Variants in VSTM4 observed in about 807,000 individuals in gnomAD.
VSTM4 encodes the protein V-set and transmembrane domain-containing protein 4.
A neutral mutation model predicts 36.4 loss-of-function variants in VSTM4; 20 were observed. The ratio of observed to expected loss-of-function variants is 0.55; its 90% CI spans 0.39 to 0.80. The LOEUF is 0.80. Among genes scored for constraint, VSTM4 ranks in the 30% least tolerant of loss-of-function variants. The pLI, the probability that VSTM4 is intolerant of heterozygous loss-of-function variation, is 0.00. For synonymous variants in VSTM4, 182 were observed against 173.9 expected, an observed-to-expected ratio of 1.05 and a Z score of -0.37; for missense variants, 392 against 404.5, an observed-to-expected ratio of 0.97 and a Z score of 0.26.
At chr10:49,028,342 T>C (rs1273501571) in intron 7 of VSTM4, among the ~76,000 whole-genome samples, 1 of 152,218 alleles carries the variant, frequency 6.6e-6, no homozygotes, top group African/African-American at 2.4e-5. Flanking sequence ...GAGCTTGCAA[T>C]GGCCTGTCTA....
chr10:49,037,082 A>G (rs1465429998), intron 7 of VSTM4, among the ~76,000 whole-genome samples: 1 of 152,220 alleles, frequency 6.6e-6, no homozygotes, highest in Non-Finnish European at 1.5e-5. Flanking sequence ...AAAGGTTTGC[A>G]GGAATTAGGG....
chr10:49,043,334 T>A lies in VSTM4; in HGVS notation c.837+3649A>T, dbSNP rs1248007958. ...ATAGTTAAGTTAAATAAACTATACA[T>A]TAAAATCGGTTTCATCTGTTACTTT... is the stretch of plus-strand genomic sequence containing the variant. On this transcript the variant is annotated intron_variant, in intron 7 of 7. Coordinates refer to ENST00000332853, the MANE Select transcript of VSTM4 (RefSeq NM_001031746.5). 3.3e-5 allele frequency among the ~76,000 whole-genome samples: 5 copies of A among 152,238 alleles called. No homozygotes were observed. In the East Asian group the frequency reaches 7.7e-4, roughly 23 times the overall value.
chr10:49,100,628 A>G (rs1844650175), intron 2 of VSTM4, among the ~76,000 whole-genome samples: 1 of 152,182 alleles, frequency 6.6e-6, no homozygotes, highest in Non-Finnish European at 1.5e-5. Context: ...AAGTTCCTGG[A>G]TAGGAACATT....
intron 3 of VSTM4, among the ~76,000 whole-genome samples, chr10:49,083,399 C>T (rs1409737803): frequency 1.3e-5 from 2 of 152,176 alleles, no homozygotes; most frequent in Non-Finnish European, 1.5e-5. Context: ...GTAGCTCTCT[C>T]GTCCAGGAAC....
At chr10:49,104,575 A>C (rs1374365605) in intron 2 of VSTM4, among the ~76,000 whole-genome samples, 1 of 152,110 alleles carries the variant, frequency 6.6e-6, no homozygotes. Context: ...TGGAAGCCTA[A>C]ATAGAATGTT....
At chr10:49,102,819 G>T in intron 2 of VSTM4, 1 of 886,328 alleles carries the variant, frequency 1.1e-6, no homozygotes, top group Non-Finnish European at 1.4e-6. Flanking sequence ...AGGCACTGTT[G>T]CAGGCATTCA....
At chr10:49,026,076 G>C (rs1564564997) in intron 7 of VSTM4, among the ~76,000 whole-genome samples, 1 of 152,188 alleles carries the variant, frequency 6.6e-6, no homozygotes, top group South Asian at 2.1e-4. Flanking sequence ...TATCATACTA[G>C]GTCTGCGTGC....
At chr10:49,095,013 C>T (rs777054868) in intron 2 of VSTM4, among the ~76,000 whole-genome samples, 3 of 152,130 alleles carry the variant, frequency 2.0e-5, no homozygotes, top group African/African-American at 4.8e-5. Context: ...TAGCTTATGC[C>T]GCCCTTTCCT....
intron 5 of VSTM4, 77 bp from the exon 6 acceptor site, chr10:49,048,661 T>G: frequency 2.5e-6 from 3 of 1,178,466 alleles, no homozygotes; most frequent in Non-Finnish European, 3.6e-6. Flanking sequence ...AAACCCACAA[T>G]AGCTTCCAAT....
intron 6 of VSTM4, 66 bp downstream of exon 6, chr10:49,048,411 GA>G (rs1843646727): frequency 7.1e-7 from 1 of 1,411,758 alleles, no homozygotes; most frequent in African/African-American, 1.5e-5. Flanking sequence ...ATCCAACATG[GA>G]ACCCCAGACC....
chr10:49,093,650 G>C (rs1467399468), intron 2 of VSTM4, among the ~76,000 whole-genome samples: 1 of 151,490 alleles, frequency 6.6e-6, no homozygotes, highest in Non-Finnish European at 1.5e-5. Context: ...CTGTGCACCA[G>C]ACCATGCCTT....
Position 49,097,983 on chromosome 10 carries a change from C to T in VSTM4, c.457+9611G>A, listed in dbSNP as rs374969133. On this transcript the variant is annotated intron_variant, in intron 2 of 7. Transcript: ENST00000332853. ...CCAAGAGTATTTGGGAATCCCAACA[C>T]TAGGCTATGATGCCTGCCAGGTATG... 4.6e-5 allele frequency among the ~76,000 whole-genome samples: 7 copies of T among 152,354 alleles called. No individual in the cohort carries two copies. The East Asian group carries it at 1.3e-3, about 29-fold the overall frequency.
chr10:49,038,161 T>C (rs1281446011), intron 7 of VSTM4, among the ~76,000 whole-genome samples: 1 of 152,178 alleles, frequency 6.6e-6, no homozygotes, highest in Non-Finnish European at 1.5e-5. Flanking sequence ...TTGTACACCA[T>C]GGTCACGTCA....
intron 3 of VSTM4, among the ~76,000 whole-genome samples, chr10:49,078,075 C>T (rs1019479629): frequency 6.6e-6 from 1 of 152,020 alleles, no homozygotes; most frequent in Admixed American, 6.5e-5. Flanking sequence ...TGACTTCTAT[C>T]GCTGTTAGAG....
chr10:49,020,376 A>C (rs1343995135), intron 7 of VSTM4, among the ~76,000 whole-genome samples: 1 of 152,146 alleles, frequency 6.6e-6, no homozygotes, highest in Non-Finnish European at 1.5e-5. Flanking sequence ...AGTTAGAAAA[A>C]GAGGAATAAA....
intron 2 of VSTM4, among the ~76,000 whole-genome samples, chr10:49,105,815 C>T (rs1226414438): frequency 6.6e-6 from 1 of 151,304 alleles, no homozygotes; most frequent in Non-Finnish European, 1.5e-5. Context: ...ACAATTCACA[C>T]ATACACACGT....
intron 1 of VSTM4, among the ~76,000 whole-genome samples, chr10:49,112,304 T>G (rs1451360873): frequency 2.6e-5 from 4 of 152,244 alleles, no homozygotes; most frequent in Non-Finnish European, 4.4e-5. Context: ...CCACATGGGC[T>G]AAGCACTGGA....
intron 2 of VSTM4, among the ~76,000 whole-genome samples, chr10:49,090,822 C>A (rs1844460252): frequency 6.6e-6 from 1 of 152,208 alleles, no homozygotes; most frequent in Non-Finnish European, 1.5e-5. Context: ...ACAGTCTCAT[C>A]ACCCCAGCTG....
chr10:49,022,255 G>T (rs1293686049), intron 7 of VSTM4, among the ~76,000 whole-genome samples: 1 of 151,832 alleles, frequency 6.6e-6, no homozygotes, highest in East Asian at 1.9e-4. Context: ...CAGACTTAGG[G>T]TTTTTTGGTT....
Sources: gnomAD v4.1 joint callset for allele counts (sites outside exome capture counted in the v4.1 genomes callset) on GRCh38, gnomAD v4.1.1 for gene constraint, MANE v1.5 for transcripts, NCBI Gene and HGNC (gene_info 2026-07-23, HGNC 2026-07-21) for gene names.